Variants in DPP6 observed in about 807,000 individuals in gnomAD.
DPP6 encodes dipeptidyl peptidase like 6, also known as A-type potassium channel modulatory protein DPP6.
In DPP6, 69 loss-of-function variants were observed where a neutral mutation model predicts 122.6. The observed-to-expected ratio is 0.56, with a 90% CI of 0.46 to 0.69. The LOEUF is 0.69. DPP6 is among the 30% of genes least tolerant of loss of function. The pLI is 0.00. For synonymous variants in DPP6, 418 were observed against 433.1 expected (o/e 0.97, Z 0.43); for missense variants, 928 against 1,116.9 (o/e 0.83, Z 2.41).
At chr7:153,990,544 A>G (rs544452030) in intron 1 of DPP6, among the ~76,000 whole-genome samples, 1,572 of 151,820 alleles carry the variant, frequency 0.01, no homozygotes, top group African/African-American at 0.036. Flanking sequence ...GCCTTTTAGT[A>G]CCAGTTCCTA....
intron 10 of DPP6, among the ~76,000 whole-genome samples, chr7:154,782,584 A>G (rs1223261248): frequency 6.6e-6 from 1 of 152,054 alleles, no homozygotes; most frequent in Non-Finnish European, 1.5e-5. Flanking sequence ...CTATAGTTAA[A>G]TAGCGCTTGG....
intron 10 of DPP6, among the ~76,000 whole-genome samples, chr7:154,779,298 T>C (rs1045237944): frequency 7.1e-5 from 4 of 56,408 alleles, no homozygotes; most frequent in East Asian, 5.1e-4. Flanking sequence ...CCCACTACTA[T>C]CACCACCACC....
intron 12 of DPP6, among the ~76,000 whole-genome samples, chr7:154,797,426 C>T (rs777640924): frequency 3.3e-5 from 5 of 151,774 alleles, no homozygotes; most frequent in Non-Finnish European, 4.4e-5. Flanking sequence ...ATTATTCAGC[C>T]GTAAGAAGAA....
intron 8 of DPP6, among the ~76,000 whole-genome samples, chr7:154,744,457 C>T (rs939760257): frequency 2.0e-5 from 3 of 152,258 alleles, no homozygotes; most frequent in African/African-American, 7.2e-5. Flanking sequence ...ATCCTCCTCC[C>T]TGGGCCCCCC....
At chr7:154,843,663 T>C (rs149515887) in intron 16 of DPP6, among the ~76,000 whole-genome samples, 284 of 152,346 alleles carry the variant, frequency 1.9e-3, no homozygotes, top group African/African-American at 6.5e-3. Context: ...GAAAAAAATG[T>C]TGGCTGCTGT....
rs1193664042 is a variant in DPP6, at chr7:154,481,504, A to T, written c.457+6467A>T. ...CCTCTTCACAGACCCCCCGCTGCCC[A>T]CTGTGCGAGCACAGCCCTGGCCCCC... On this transcript the variant is annotated intron_variant, in intron 3 of 25. Transcript: ENST00000377770. This position sits in a 1 kb window ranked among gnomAD's most constrained non-coding sequence, Gnocchi z 4.2. 2.0e-5 allele frequency among the ~76,000 whole-genome samples: 2 copies of T among 101,436 alleles called. No individual in the cohort carries two copies. The highest frequency in any genetic ancestry group is 7.7e-5 in the African/African-American group (2 of 26,098). The allele number at this position is 101,436 out of a possible 152,430, so 66.5% of individuals were successfully genotyped here.
Position 154,223,377 on chromosome 7 carries a change from G to A in DPP6, c.243+170314G>A, listed in dbSNP as rs1800415039. Among the ~76,000 whole-genome samples, 2 of 149,240 alleles carry A rather than the reference G, an allele frequency of 1.3e-5. 1 individual carries two copies. The highest frequency in any genetic ancestry group is 5.1e-5 in the African/African-American group (2 of 39,132). On this transcript the variant is annotated intron_variant, in intron 1 of 25. Transcript: ENST00000377770. Reference sequence around the variant, plus strand: ...TGCTAGGCACCAGGGATTTGATGATGGGCAAATATAGAACTAATGATACCC... The same window carrying A: ...TGCTAGGCACCAGGGATTTGATGATAGGCAAATATAGAACTAATGATACCC...
chr7:153,865,291 A>G, the DPP6 span, among the ~76,000 whole-genome samples: 1 of 152,226 alleles, frequency 6.6e-6, no homozygotes, highest in African/African-American at 2.4e-5. Context: ...AAGGTTACTC[A>G]TTCAAAACAA....
chr7:154,229,826 T>G (rs896514710), intron 1 of DPP6, among the ~76,000 whole-genome samples: 1 of 152,194 alleles, frequency 6.6e-6, no homozygotes, highest in Non-Finnish European at 1.5e-5. Context: ...TCAAACTAGA[T>G]CCTGTTCAGA....
rs368362408 is a variant in DPP6, at chr7:154,463,195, C to CTTT, written c.359-11716_359-11714dup. On this transcript the variant is annotated intron_variant, in intron 2 of 25. Coordinates refer to ENST00000377770, the MANE Select transcript of DPP6 (RefSeq NM_130797.4). The stretch of plus-strand genomic sequence containing the variant: ...GCTTTTTACCTTTACTTCTCCTTTT[C>CTTT]TTTTTTTTTTTTTTTTTTTTTTTTT... Among the ~76,000 whole-genome samples the CTTT allele has an allele frequency of 6.0e-3, 504 of 84,084 alleles. 38 individuals are homozygous for CTTT. Among genetic ancestry groups the CTTT allele is most frequent in the African/African-American group, 7.0e-3 (144 of 20,546 alleles). 55.2% of individuals were successfully genotyped at this position (84,084 alleles called of 152,430 possible).
At chr7:153,962,546 C>A (rs1358389095) in intron 1 of DPP6, among the ~76,000 whole-genome samples, 1 of 152,166 alleles carries the variant, frequency 6.6e-6, no homozygotes, top group Non-Finnish European at 1.5e-5. Context: ...ACCATCATGC[C>A]GTACAGTCGG....
At position 154,541,779 on chromosome 7, in the gene DPP6, A is replaced by G. The variant is rs530196648; in HGVS notation, c.552+1153A>G. Among the ~76,000 whole-genome samples, 3 of 152,308 alleles carry G rather than the reference A, an allele frequency of 2.0e-5. No individual in the cohort carries two copies. The East Asian group carries it at 5.8e-4, about 29-fold the overall frequency. ...CTAGAATCCTATAATCCGGGATTAG[A>G]GGAGGTTGTAAAAAAAATTAACCGG... On this transcript the variant is annotated intron_variant, in intron 4 of 25. Coordinates refer to ENST00000377770, the MANE Select transcript of DPP6 (RefSeq NM_130797.4).
chr7:154,236,036 A>G (rs1563349942), intron 1 of DPP6, among the ~76,000 whole-genome samples: 1 of 152,040 alleles, frequency 6.6e-6, no homozygotes, highest in Non-Finnish European at 1.5e-5. Flanking sequence ...TATTTGTAAT[A>G]AAGATGGGGT....
chr7:153,756,941 G>A, the DPP6 span, among the ~76,000 whole-genome samples: 1 of 152,160 alleles, frequency 6.6e-6, no homozygotes, highest in Non-Finnish European at 1.5e-5. Flanking sequence ...TAAATGAGTA[G>A]TAACTGTTTT....
chr7:154,240,103 C>G (rs926119681), intron 1 of DPP6, among the ~76,000 whole-genome samples: 32 of 143,846 alleles, frequency 2.2e-4, no homozygotes, highest in Admixed American at 9.8e-4. Context: ...TTGCATTGTT[C>G]AAGAACTAAT....
At chr7:154,765,485 G>A (rs1795838528) in intron 8 of DPP6, among the ~76,000 whole-genome samples, 1 of 152,154 alleles carries the variant, frequency 6.6e-6, no homozygotes, top group Admixed American at 6.5e-5. Context: ...TGTTGCATTG[G>A]CCTTTATTAC....
chr7:154,221,660 T>C (rs1012081827), intron 1 of DPP6, among the ~76,000 whole-genome samples: 31 of 152,332 alleles, frequency 2.0e-4, no homozygotes, highest in Non-Finnish European at 3.2e-4. Context: ...GCTTAACTAT[T>C]GAAAATTTTA....
chr7:154,092,693 T>C (rs1804946918), intron 1 of DPP6: 1 of 152,196 alleles, frequency 6.6e-6, no homozygotes, highest in Non-Finnish European at 1.5e-5. Flanking sequence ...TAAGGTGGCA[T>C]CTGTAAGGTT....
chr7:154,541,179 G>C (rs187471029), intron 4 of DPP6, among the ~76,000 whole-genome samples: 38 of 152,296 alleles, frequency 2.5e-4, no homozygotes, highest in Admixed American at 2.4e-3. Flanking sequence ...GCCCAGGCTG[G>C]AGCGAAGTGG....
Sources: gnomAD v4.1 joint callset for allele counts (sites outside exome capture counted in the v4.1 genomes callset) on GRCh38, gnomAD v4.1.1 for gene constraint, Gnocchi (gnomAD v3.1) non-coding constraint, MANE v1.5 for transcripts, NCBI Gene and HGNC (gene_info 2026-07-23, HGNC 2026-07-21) for gene names.